The following COL5A2 variants were observed in gnomAD, a reference collection of about 807,000 sequenced individuals.
COL5A2 encodes the protein collagen type V alpha 2 chain, also known as collagen alpha-2(V) chain.
In COL5A2, 23 loss-of-function variants were observed where a neutral mutation model predicts 208.2. The ratio of observed to expected loss-of-function variants is 0.11; its 90% CI spans 0.08 to 0.16. The LOEUF (loss-of-function observed/expected upper bound fraction) is 0.16. Among genes scored for constraint, COL5A2 ranks in the 10% least tolerant of loss-of-function variants. The pLI, the probability that COL5A2 is intolerant of heterozygous loss-of-function variation, is 1.00. For synonymous variants in COL5A2, 625 were observed against 628.5 expected (o/e 0.99, Z 0.08); for missense variants, 1,590 against 1,956.4 (o/e 0.81, Z 3.53).
chr2:189,127,189 G>A (rs1158425308), intron 1 of COL5A2, among the ~76,000 whole-genome samples: 3 of 151,972 alleles, frequency 2.0e-5, no homozygotes, highest in East Asian at 1.9e-4. Flanking sequence ...CAGGGAAAGA[G>A]AAGAGACAAA....
the COL5A2 span, among the ~76,000 whole-genome samples, chr2:189,280,195 T>C: frequency 6.6e-6 from 1 of 152,162 alleles, no homozygotes; most frequent in African/African-American, 2.4e-5. Context: ...TATCTTATTA[T>C]CTTATTATGG....
the COL5A2 span, among the ~76,000 whole-genome samples, chr2:189,298,342 C>G: frequency 6.6e-6 from 1 of 152,166 alleles, no homozygotes; most frequent in African/African-American, 2.4e-5. Context: ...ATAGAAAAGC[C>G]TTGAAGAGTT....
the COL5A2 span, among the ~76,000 whole-genome samples, chr2:189,289,611 A>G: frequency 6.6e-6 from 1 of 152,228 alleles, no homozygotes; most frequent in East Asian, 1.9e-4. Flanking sequence ...TTTGCAGAAA[A>G]CATGATCTTA....
At chr2:189,085,094 C>G (rs1686626212) in intron 11 of COL5A2, 66 bp downstream of exon 11, 1 of 1,276,056 alleles carries the variant, frequency 7.8e-7, no homozygotes, top group Non-Finnish European at 1.1e-6. Context: ...ACAGAACATT[C>G]TTGTTAACAT....
the COL5A2 span, among the ~76,000 whole-genome samples, chr2:189,308,027 A>T: frequency 1.3e-5 from 2 of 152,054 alleles, no homozygotes; most frequent in Non-Finnish European, 2.9e-5. Flanking sequence ...ACTCACCCTG[A>T]ATTCTTTCTT....
the COL5A2 span, among the ~76,000 whole-genome samples, chr2:189,418,266 T>C: frequency 6.6e-6 from 1 of 152,204 alleles, no homozygotes; most frequent in Non-Finnish European, 1.5e-5. Flanking sequence ...TCCTGAAACT[T>C]TTCTATCATC....
chr2:189,063,276 G>A lies in COL5A2; in HGVS notation c.1771-6C>T. 1 of 1,610,726 alleles carries A rather than the reference G, an allele frequency of 6.2e-7. No individual in the cohort carries two copies. On this transcript the variant is annotated splice_region_variant and splice_polypyrimidine_tract_variant and intron_variant, in intron 26 of 53. Transcript: ENST00000374866. The stretch of plus-strand genomic sequence containing the variant: ...CCATCTTCCCCTGGCGCACCCTATA[G>A]AATTGACAGGAGCCATGTAAGTTTC...
chr2:189,310,597 TCAGGAC>T, the COL5A2 span, among the ~76,000 whole-genome samples: 1 of 126,766 alleles, frequency 7.9e-6, no homozygotes, highest in East Asian at 2.8e-4. Flanking sequence ...AGAAAGGAAA[TCAGGAC>T]CTTGAAGAGA....
At chr2:189,143,683 C>A (rs918226440) in intron 1 of COL5A2, among the ~76,000 whole-genome samples, 1 of 152,132 alleles carries the variant, frequency 6.6e-6, no homozygotes, top group South Asian at 2.1e-4. Context: ...ATGCATGAAA[C>A]TTTTAAACAA....
rs1685343412 is a variant in COL5A2 at position 189,031,937 on chromosome 2, C to A, written c.*2133G>T. ...TTTTATTGGTAGCATTCCCAAAATC[C>A]AAATAAGAACTGTTATTTCTATAGT... On this transcript the variant is annotated 3_prime_UTR_variant, in exon 54 of 54. Coordinates refer to ENST00000374866, the MANE Select transcript of COL5A2 (RefSeq NM_000393.5). 1 of 151,968 alleles carries A rather than the reference C, an allele frequency of 6.6e-6. No homozygotes were observed. The highest frequency in any genetic ancestry group is 1.5e-5 in the Non-Finnish European group (1 of 67,986). The allele number at this position is 151,968 out of a possible 1,614,324, so 9.4% of individuals were successfully genotyped here.
chr2:189,323,304 T>C, the COL5A2 span, among the ~76,000 whole-genome samples: 1 of 152,106 alleles, frequency 6.6e-6, no homozygotes, highest in Non-Finnish European at 1.5e-5. Context: ...CAACATAGTG[T>C]TGGAAGTTCT....
At chr2:189,399,617 A>C in the COL5A2 span, among the ~76,000 whole-genome samples, 180 of 152,256 alleles carry the variant, frequency 1.2e-3, no homozygotes, top group Non-Finnish European at 2.1e-3. Context: ...ATTACATATA[A>C]TACTTTTTAG....
intron 44 of COL5A2, among the ~76,000 whole-genome samples, 164 bp from the exon 45 acceptor site, chr2:189,048,426 T>G (rs1200716263): frequency 6.6e-6 from 1 of 152,266 alleles, no homozygotes; most frequent in Non-Finnish European, 1.5e-5. Flanking sequence ...TCTTTTTCAT[T>G]ATTTTGAATT....
the COL5A2 span, among the ~76,000 whole-genome samples, chr2:189,242,530 A>C: frequency 6.6e-6 from 1 of 152,106 alleles, no homozygotes; most frequent in Non-Finnish European, 1.5e-5. Context: ...TACTCACCCA[A>C]GTCATGACTC....
chr2:189,072,901 A>G (rs188698531), intron 17 of COL5A2, among the ~76,000 whole-genome samples: 1 of 152,232 alleles, frequency 6.6e-6, no homozygotes, highest in East Asian at 1.9e-4. Context: ...TTAAAAGACT[A>G]AATTTAAAAG....
At chr2:189,054,686 T>G (rs1685863486) in intron 35 of COL5A2, among the ~76,000 whole-genome samples, 1 of 149,550 alleles carries the variant, frequency 6.7e-6, no homozygotes, top group African/African-American at 2.5e-5. Flanking sequence ...TTAGGTGTTT[T>G]TTCCTTTTTT....
chr2:189,230,562 A>C, the COL5A2 span, among the ~76,000 whole-genome samples: 1 of 152,058 alleles, frequency 6.6e-6, no homozygotes, highest in Admixed American at 6.6e-5. Context: ...AAATTTCAAA[A>C]CAGCTAACAG....
At chr2:189,254,317 T>C in the COL5A2 span, among the ~76,000 whole-genome samples, 1 of 152,238 alleles carries the variant, frequency 6.6e-6, no homozygotes. Context: ...CATTTCACTG[T>C]GTGGGCAGGC....
At chr2:189,362,044 G>A in the COL5A2 span, among the ~76,000 whole-genome samples, 11 of 152,108 alleles carry the variant, frequency 7.2e-5, no homozygotes, top group African/African-American at 2.7e-4. Flanking sequence ...AGGTGATTTA[G>A]TTACCCCAAC....
Sources: allele counts gnomAD v4.1 joint callset (sites outside exome capture counted in the v4.1 genomes callset), GRCh38; gene constraint gnomAD v4.1.1; transcripts MANE v1.5; gene names NCBI Gene and HGNC (gene_info 2026-07-23, HGNC 2026-07-21).